VAV3: variants seen among roughly 807,000 people sequenced by gnomAD.
The protein encoded by VAV3 is guanine nucleotide exchange factor VAV3.
VAV3 carries 94 observed loss-of-function variants against 131.2 expected under a neutral mutation model. The ratio of observed to expected loss-of-function variants is 0.72; its 90% CI spans 0.61 to 0.85. The LOEUF is 0.85. Among genes scored for constraint, VAV3 ranks in the 40% least tolerant of loss-of-function variants. The pLI, the probability that VAV3 is intolerant of heterozygous loss-of-function variation, is 0.00. For missense variants in VAV3, 939 were observed against 1,002.7 expected, an observed-to-expected ratio of 0.94 and a Z score of 0.86; for synonymous variants, 349 against 342.0, an observed-to-expected ratio of 1.02 and a Z score of -0.22.
chr1:107,862,160 A>G (rs956822871), intron 2 of VAV3, among the ~76,000 whole-genome samples: 1 of 151,568 alleles, frequency 6.6e-6, no homozygotes, highest in Non-Finnish European at 1.5e-5. Flanking sequence ...TTAAGTGGAA[A>G]ACAAGTGACT....
At chr1:107,653,297 C>T (rs1656310372) in intron 19 of VAV3, among the ~76,000 whole-genome samples, 2 of 151,684 alleles carry the variant, frequency 1.3e-5, no homozygotes, top group African/African-American at 4.8e-5. Context: ...AACATATCTA[C>T]AGAAAAATGC....
intron 2 of VAV3, among the ~76,000 whole-genome samples, chr1:107,845,913 A>C (rs1668944957): frequency 6.6e-6 from 1 of 152,220 alleles, no homozygotes; most frequent in Non-Finnish European, 1.5e-5. Flanking sequence ...CAAACTAGCA[A>C]CACAGGCCAA....
intron 1 of VAV3, among the ~76,000 whole-genome samples, chr1:107,902,118 T>C (rs1212235532): frequency 6.7e-6 from 1 of 150,220 alleles, no homozygotes; most frequent in African/African-American, 2.4e-5. Context: ...TAAAAAAAAA[T>C]TCAGAGAAAT....
chr1:107,900,813 T>C (rs189658926), intron 1 of VAV3, among the ~76,000 whole-genome samples: 5 of 152,356 alleles, frequency 3.3e-5, no homozygotes, highest in Admixed American at 2.0e-4. Context: ...ACATATCTTA[T>C]ACAAAACTAT....
chr1:107,819,352 T>A (rs1667692861), intron 2 of VAV3, among the ~76,000 whole-genome samples: 1 of 152,064 alleles, frequency 6.6e-6, no homozygotes, highest in African/African-American at 2.4e-5. Context: ...ATGTAATATA[T>A]TAATTCTTAT....
intron 2 of VAV3, among the ~76,000 whole-genome samples, chr1:107,837,074 T>C (rs1418489820): frequency 6.6e-6 from 1 of 151,554 alleles, no homozygotes; most frequent in Non-Finnish European, 1.5e-5. Flanking sequence ...ATCATCCTAA[T>C]ACCAAAACCT....
intron 2 of VAV3, among the ~76,000 whole-genome samples, chr1:107,824,441 AT>A (rs1667926989): frequency 6.6e-6 from 1 of 152,208 alleles, no homozygotes. Context: ...CAAATGGATA[AT>A]GACATGTACA....
intron 1 of VAV3, among the ~76,000 whole-genome samples, chr1:107,916,179 G>A (rs1318179780): frequency 6.6e-6 from 1 of 151,976 alleles, no homozygotes; most frequent in African/African-American, 2.4e-5. Flanking sequence ...GGGGAGTGTT[G>A]CACACAAAAA....
intron 1 of VAV3, among the ~76,000 whole-genome samples, chr1:107,963,989 C>A (rs979333587): frequency 6.6e-6 from 1 of 152,192 alleles, no homozygotes; most frequent in Admixed American, 6.5e-5. Context: ...GGAAGGAAAG[C>A]GGAATCTCTA....
In VAV3 at chr1:107,688,384, T is replaced by C. The variant is rs1318169822; in HGVS notation, c.1728A>G (p.Pro576=). Reference sequence around the variant, plus strand: ...ATATTTAAAATGTTAATCTTACCTCTGGTAGTTTGAGTGTCCCTTGTTCTG... The same window carrying C: ...ATATTTAAAATGTTAATCTTACCTCCGGTAGTTTGAGTGTCCCTTGTTCTG... ...NSGEQGTLKL[P]EKRTNGLRRT... is the part of the protein sequence containing the mutation. Residue 576 remains proline (P), a synonymous_variant, in exon 18 of 27, where the codon CCA becomes CCG. Coordinates refer to ENST00000370056, the MANE Select transcript of VAV3 (RefSeq NM_006113.5). 1.2e-6 allele frequency: 2 copies of C among 1,613,008 alleles called. No individual in the cohort carries two copies. Among genetic ancestry groups the C allele is most frequent in the Non-Finnish European group, 1.7e-6 (2 of 1,179,590 alleles).
At chr1:107,746,462 C>T (rs539997732) in intron 15 of VAV3, among the ~76,000 whole-genome samples, 169 of 152,244 alleles carry the variant, frequency 1.1e-3, no homozygotes, top group African/African-American at 4.0e-3. Flanking sequence ...GATTAAGAAA[C>T]CCAGGTTCTG....
chr1:107,631,296 T>G (rs1395094122), intron 20 of VAV3, among the ~76,000 whole-genome samples: 1 of 152,054 alleles, frequency 6.6e-6, no homozygotes, highest in Non-Finnish European at 1.5e-5. Context: ...AATTGTAAAC[T>G]TACTAAAATG....
intron 17 of VAV3, among the ~76,000 whole-genome samples, chr1:107,698,445 T>C (rs1659880921): frequency 6.6e-6 from 1 of 152,154 alleles, no homozygotes; most frequent in African/African-American, 2.4e-5. Context: ...ACTGTGAGCA[T>C]GTTTAAAGTA....
chr1:107,937,002 A>G (rs1673750745), intron 1 of VAV3, among the ~76,000 whole-genome samples: 1 of 152,118 alleles, frequency 6.6e-6, no homozygotes, highest in South Asian at 2.1e-4. Context: ...GGGAGGGCCA[A>G]TGTGACTACT....
intron 25 of VAV3, among the ~76,000 whole-genome samples, chr1:107,584,135 T>C (rs1282520224): frequency 6.6e-6 from 1 of 152,060 alleles, no homozygotes; most frequent in Non-Finnish European, 1.5e-5. Context: ...TTGACAAACC[T>C]GACAAAAAAC....
intron 15 of VAV3, among the ~76,000 whole-genome samples, chr1:107,740,645 C>T (rs551648552): frequency 3.0e-4 from 45 of 152,072 alleles, no homozygotes; most frequent in Non-Finnish European, 6.3e-4. Flanking sequence ...AAGGCCACAG[C>T]GTGGTTTCAT....
At chr1:107,798,366 C>T (rs1226535189) in intron 2 of VAV3, among the ~76,000 whole-genome samples, 1 of 151,458 alleles carries the variant, frequency 6.6e-6, no homozygotes, top group East Asian at 1.9e-4. Flanking sequence ...CCACACACCC[C>T]TTCCCAATTC....
chr1:107,787,675 C>T (rs1666082920), intron 2 of VAV3, among the ~76,000 whole-genome samples: 2 of 152,216 alleles, frequency 1.3e-5, no homozygotes, highest in South Asian at 2.1e-4. Context: ...GATTCACTTG[C>T]ACCTTATTCT....
At chr1:107,932,217 C>A (rs992060784) in intron 1 of VAV3, among the ~76,000 whole-genome samples, 1 of 152,140 alleles carries the variant, frequency 6.6e-6, no homozygotes, top group Non-Finnish European at 1.5e-5. Flanking sequence ...AATCACAGCA[C>A]GAGAGATGCC....
Sources: gnomAD v4.1 joint callset for allele counts (sites outside exome capture counted in the v4.1 genomes callset) on GRCh38, gnomAD v4.1.1 for gene constraint, MANE v1.5 for transcripts, NCBI Gene and HGNC (gene_info 2026-07-23, HGNC 2026-07-21) for gene names.